Variants in SYBU observed in about 807,000 individuals in gnomAD.
SYBU encodes GOLSYN A protein.
In SYBU, 21 loss-of-function variants were observed where a neutral mutation model predicts 35.9. That is an observed-to-expected ratio of 0.58 (90% CI 0.41 to 0.84). The LOEUF is 0.84. Ranked by LOEUF, SYBU falls within the 40% of genes least tolerant of loss-of-function variation. The pLI, the probability that SYBU is intolerant of heterozygous loss-of-function variation, is 0.00. For missense variants in SYBU, 768 were observed against 848.2 expected (o/e 0.91, Z 1.17); for synonymous variants, 319 against 324.3 (o/e 0.98, Z 0.18).
intron 1 of SYBU, among the ~76,000 whole-genome samples, chr8:109,671,534 T>C (rs564695605): frequency 6.6e-6 from 1 of 152,358 alleles, no homozygotes; most frequent in East Asian, 1.9e-4. Context: ...ATTTAATTTT[T>C]GGCCACATGA....
At chr8:109,647,669 AC>A (rs2130701562), upstream of SYBU, 1 of 152,374 alleles carries the variant, frequency 6.6e-6, no homozygotes, top group East Asian at 1.9e-4. Flanking sequence ...AAGATAAAGA[AC>A]ATAGATACAA....
chr8:109,613,268 A>C (rs1006134662), intron 3 of SYBU, among the ~76,000 whole-genome samples: 2 of 152,246 alleles, frequency 1.3e-5, no homozygotes, highest in Non-Finnish European at 2.9e-5. Context: ...TGAAGTGCAC[A>C]GAATGTGTGG....
upstream of SYBU, among the ~76,000 whole-genome samples, chr8:109,684,922 G>T (rs930380639): frequency 1.3e-5 from 2 of 152,138 alleles, no homozygotes; most frequent in African/African-American, 2.4e-5. Flanking sequence ...GAAAAGCAAG[G>T]TTGCCTAGGT....
At chr8:109,591,506 A>ATTTTTTTTTT (rs1047402673) in intron 3 of SYBU, among the ~76,000 whole-genome samples, 8 of 100,942 alleles carry the variant, frequency 7.9e-5, no homozygotes, top group African/African-American at 1.2e-4. Context: ...AAAAATGTAA[A>ATTTTTTTTTT]TTTTTTTTTT....
intron 5 of SYBU, among the ~76,000 whole-genome samples, chr8:109,578,258 T>G (rs1287074706): frequency 2.0e-5 from 3 of 152,176 alleles, no homozygotes; most frequent in African/African-American, 7.2e-5. Context: ...TTTCTAGCTT[T>G]CTTTTTCCAC....
chr8:109,607,852 AC>A, intron 3 of SYBU: 22 of 929,138 alleles, frequency 2.4e-5, no homozygotes, highest in Non-Finnish European at 3.3e-6. Context: ...ACACACACAC[AC>A]AGTCTAGCCT....
At chr8:109,588,761 G>A (rs1823905138) in intron 3 of SYBU, among the ~76,000 whole-genome samples, 1 of 151,782 alleles carries the variant, frequency 6.6e-6, no homozygotes, top group African/African-American at 2.4e-5. Flanking sequence ...CAAGGAAGGA[G>A]AGGCATTCTT....
intron 3 of SYBU, among the ~76,000 whole-genome samples, chr8:109,589,754 A>G (rs1403672666): frequency 2.0e-5 from 3 of 152,232 alleles, no homozygotes; most frequent in Non-Finnish European, 4.4e-5. Flanking sequence ...ATAACTAACT[A>G]GACTTATTTT....
At chr8:109,594,184 C>A (rs1421691786) in intron 3 of SYBU, among the ~76,000 whole-genome samples, 1 of 152,034 alleles carries the variant, frequency 6.6e-6, no homozygotes, top group Admixed American at 6.5e-5. Flanking sequence ...GCAGGGGTGT[C>A]ATTGCAGGAG....
At chr8:109,644,416 A>G (rs1815348270) in intron 1 of SYBU, among the ~76,000 whole-genome samples, 1 of 151,960 alleles carries the variant, frequency 6.6e-6, no homozygotes, top group Non-Finnish European at 1.5e-5. Context: ...CCCTCCAATC[A>G]TGTCATTCTC....
intron 3 of SYBU, among the ~76,000 whole-genome samples, chr8:109,588,210 T>G (rs1392382014): frequency 1.5e-4 from 23 of 152,246 alleles, no homozygotes; most frequent in Admixed American, 1.5e-3. Flanking sequence ...CCATCGATTA[T>G]AATTGAACTG....
chr8:109,691,560 C>T lies in SYBU; in HGVS notation c.-285G>A. ...TTGCGCTCCGGTGCCCTCGGCCCCTCGGCCTCTGCAGCCAGCCGGGCGGCT... is the reference window on the plus strand; with the variant it reads ...TTGCGCTCCGGTGCCCTCGGCCCCTTGGCCTCTGCAGCCAGCCGGGCGGCT... On this transcript the variant is annotated 5_prime_UTR_variant, in exon 1 of 8. Coordinates refer to the SYBU transcript ENST00000422135. The surrounding 1 kb of genome is among the most constrained non-coding windows in gnomAD (Gnocchi z 4.7). 2.2e-6 allele frequency: 1 copy of T among 447,532 alleles called. No individual in the cohort carries two copies. The highest frequency in any genetic ancestry group is 3.9e-6 in the Non-Finnish European group (1 of 256,236). The allele number at this position is 447,532 out of a possible 1,614,324, so 27.7% of individuals were successfully genotyped here.
intron 1 of SYBU, among the ~76,000 whole-genome samples, chr8:109,673,584 G>A (rs1245851908): frequency 1.3e-5 from 2 of 152,110 alleles, no homozygotes; most frequent in African/African-American, 2.4e-5. Context: ...AGGAAAAAGT[G>A]CAAAAAGGCT....
At position 109,585,979 on chromosome 8, in the gene SYBU, C is replaced by T. The variant is rs987980297; in HGVS notation, c.530+81G>A. The stretch of plus-strand genomic sequence containing the variant: ...AATAAAATATGAACGGACAGTAATC[C>T]GGGTGGTTCTACAGATGCACAGGTG... On this transcript the variant is annotated intron_variant, in intron 4 of 6. Transcript: ENST00000276646. 2.7e-5 allele frequency: 23 copies of T among 859,968 alleles called. 1 individual carries two copies. The highest frequency in any genetic ancestry group is 1.3e-4 in the East Asian group (5 of 38,170). The allele number at this position is 859,968 out of a possible 1,614,324, so 53.3% of individuals were successfully genotyped here. A position where few individuals can be genotyped will look rare whatever the true frequency, so the allele number is the denominator to read the frequency against.
intron 2 of SYBU, among the ~76,000 whole-genome samples, chr8:109,631,187 A>G (rs540305135): frequency 6.6e-6 from 1 of 152,296 alleles, no homozygotes; most frequent in Admixed American, 6.5e-5. Context: ...TCTTTTGCAA[A>G]TGAAGGTAGT....
chr8:109,595,388 C>T (rs1256514687), intron 3 of SYBU, among the ~76,000 whole-genome samples: 2 of 152,210 alleles, frequency 1.3e-5, no homozygotes, highest in Non-Finnish European at 2.9e-5. Flanking sequence ...CACTAAACAA[C>T]AGGGAGCTAA....
chr8:109,583,368 T>C (rs752066209), intron 4 of SYBU, among the ~76,000 whole-genome samples: 5 of 152,248 alleles, frequency 3.3e-5, no homozygotes, highest in Non-Finnish European at 7.3e-5. Context: ...GGTTTTTCTT[T>C]TTCTGTCTGA....
At chr8:109,666,325 A>C (rs1186096274) in intron 1 of SYBU, among the ~76,000 whole-genome samples, 2 of 151,880 alleles carry the variant, frequency 1.3e-5, no homozygotes, top group Admixed American at 1.3e-4. Context: ...GCATTGTAGG[A>C]TGTTTAGCAG....
At chr8:109,576,364 G>C (rs1309202899) in intron 6 of SYBU, among the ~76,000 whole-genome samples, 1 of 152,174 alleles carries the variant, frequency 6.6e-6, no homozygotes, top group Non-Finnish European at 1.5e-5. Context: ...TTATGGGTCG[G>C]ATATTGCACT....
Sources: allele counts gnomAD v4.1 joint callset (sites outside exome capture counted in the v4.1 genomes callset), GRCh38; gene constraint gnomAD v4.1.1; non-coding constraint Gnocchi (gnomAD v3.1); transcripts MANE v1.5; gene names NCBI Gene and HGNC (gene_info 2026-07-23, HGNC 2026-07-21).